GBF1: variants seen among roughly 807,000 people sequenced by gnomAD.
GBF1 encodes Golgi-specific brefeldin A-resistance guanine nucleotide exchange factor 1.
A neutral mutation model predicts 210.5 loss-of-function variants in GBF1; 114 were observed. The ratio of observed to expected loss-of-function variants is 0.54; its 90% confidence interval spans 0.47 to 0.63. The LOEUF (loss-of-function observed/expected upper bound fraction) is 0.63. Ranked by LOEUF, GBF1 falls within the 30% of genes least tolerant of loss-of-function variation. The pLI, the probability that GBF1 is intolerant of heterozygous loss-of-function variation, is 0.00. For synonymous variants in GBF1, 850 were observed against 889.2 expected, an observed-to-expected ratio of 0.96 and a Z score of 0.78; for missense variants, 1,851 against 2,357.7, an observed-to-expected ratio of 0.79 and a Z score of 4.45.
chr10:102,244,404 T>C (rs575309563), upstream of GBF1, among the ~76,000 whole-genome samples: 2 of 152,328 alleles, frequency 1.3e-5, no homozygotes, highest in East Asian at 1.9e-4. Flanking sequence ...TTCAGTCTCC[T>C]AGGAGAAAAC....
rs77875610 is a variant in GBF1 at position 102,296,740 on chromosome 10, C to CAA, written c.163+36637_163+36638dup. On this transcript the variant is annotated intron_variant, in intron 3 of 39. Transcript: ENST00000369983. ...TAGGCGACAGAGTGAGACTCTGTCT[C>CAA]AAAAAAAAAAAAAAGAATTGTAGGC... 1.6e-4 allele frequency among the ~76,000 whole-genome samples: 16 copies of CAA among 102,994 alleles called. No homozygotes were observed. The East Asian group carries it at 3.3e-3, about 21-fold the overall frequency. The allele number at this position is 102,994 out of a possible 152,430, so 67.6% of individuals were successfully genotyped here. A position where few individuals can be genotyped will look rare whatever the true frequency, so the allele number is the denominator to read the frequency against.
intron 2 of GBF1, among the ~76,000 whole-genome samples, chr10:102,259,265 G>A (rs755425258): frequency 1.2e-4 from 18 of 152,134 alleles, no homozygotes; most frequent in Non-Finnish European, 2.5e-4. Flanking sequence ...TTTGTAAACA[G>A]CTTAAGCTAG....
upstream of GBF1, among the ~76,000 whole-genome samples, chr10:102,241,724 C>T (rs1419678929): frequency 6.6e-6 from 1 of 152,246 alleles, no homozygotes; most frequent in African/African-American, 2.4e-5. The surrounding 1 kb of genome is among the most constrained non-coding windows in gnomAD (Gnocchi z 6.7). Context: ...AAGCGCTCTT[C>T]AGCAACTCGG....
chr10:102,353,714 G>T, intron 8 of GBF1, 60 bp downstream of exon 8: 1 of 1,220,566 alleles, frequency 8.2e-7, no homozygotes, highest in Non-Finnish European at 1.2e-6. Context: ...CAACTTCAGT[G>T]CCTTGGGGTA....
rs1326947931 is a variant in GBF1 at position 102,367,220 on chromosome 10, G to C, written c.2559+10G>C. The C allele has an allele frequency of 6.2e-7, 1 of 1,613,460 alleles. No homozygotes were observed. Among genetic ancestry groups the C allele is most frequent in the African/African-American group, 1.3e-5 (1 of 74,872 alleles). ...ACCCATGACCCTGGAGGTAAGCTTG[G>C]GTCCCAGTCAAGGCAAAGAAGACCC... is the stretch of plus-strand genomic sequence containing the variant. On this transcript the variant is annotated intron_variant, in intron 20 of 39. Transcript: ENST00000369983.
chr10:102,344,168 C>A lies in GBF1; in HGVS notation c.281C>A (p.Ser94Tyr), dbSNP rs770968985. 1 of 1,613,952 alleles carries A rather than the reference C, an allele frequency of 6.2e-7. No homozygotes were observed. The highest frequency in any genetic ancestry group is 1.1e-5 in the South Asian group (1 of 91,090). ...CTCACCTCTGTCAACAAGTTCCTGT[C>A]CTATGCACTCATAGGTAAGAGCTCA... ...LALTSVNKFL[S>Y]YALIDPTHEG... The change falls in exon 4 of 40, where the codon TCC becomes TAC. Residue 94 changes from serine (S) to tyrosine (Y), a missense_variant. Around this residue, in one of 3 missense-constraint regions of GBF1, gnomAD observed 804 missense variants for 958.6 expected, o/e 0.84. Coordinates refer to ENST00000369983, the MANE Select transcript of GBF1 (RefSeq NM_001377137.1).
In GBF1 at chr10:102,365,378, T is replaced by A; in HGVS notation, c.2107-19T>A. 6.2e-7 allele frequency: 1 copy of A among 1,603,796 alleles called. No homozygotes were observed. Among genetic ancestry groups the A allele is most frequent in the Non-Finnish European group, 8.5e-7 (1 of 1,171,162 alleles). ...TTAGAGGCAAAGTAGCTTCTATACC[T>A]CTAGTTTTTCTCATGCAGCTGCTAA... On this transcript the variant is annotated intron_variant, in intron 17 of 39. Coordinates refer to ENST00000369983, the MANE Select transcript of GBF1 (RefSeq NM_001377137.1).
intron 3 of GBF1, among the ~76,000 whole-genome samples, chr10:102,269,349 TGGCATATGATTTGG>T (rs2074178914): frequency 6.6e-6 from 1 of 152,192 alleles, no homozygotes; most frequent in Non-Finnish European, 1.5e-5. Flanking sequence ...GGCAATAAAT[TGGCATATGATTTGG>T]TGGAAAGGCA....
At chr10:102,273,800 G>A (rs571024019) in intron 3 of GBF1, among the ~76,000 whole-genome samples, 9 of 152,280 alleles carry the variant, frequency 5.9e-5, no homozygotes, top group Admixed American at 3.3e-4. Context: ...TATTTGAGTC[G>A]TTATAATCCT....
intron 18 of GBF1, 54 bp downstream of exon 18, chr10:102,365,653 G>C: frequency 6.8e-7 from 1 of 1,473,110 alleles, no homozygotes. Flanking sequence ...GCTCATGCCT[G>C]TAATCCTGAC....
chr10:102,376,975 T>C lies in GBF1; in HGVS notation c.4329T>C (p.Tyr1443=), dbSNP rs887735958. Residue 1443 remains tyrosine, a synonymous_variant, in exon 33 of 40, where the codon TAT becomes TAC. Transcript: ENST00000369983. The stretch of plus-strand genomic sequence containing the variant: ...AGAAACGTGGCAAGAGTCACAAATA[T>C]GACAGCAAAGGGAACCGCTTCAAGA... ...SQEKRGKSHK[Y]DSKGNRFKKK... 1.9e-6 allele frequency: 3 copies of C among 1,614,110 alleles called. No individual in the cohort carries two copies. The highest frequency in any genetic ancestry group is 8.5e-7 in the Non-Finnish European group (1 of 1,180,012).
At chr10:102,359,245 A>G (rs924111723) in intron 10 of GBF1, 22 bp from the exon 11 acceptor site, 2 of 1,580,582 alleles carry the variant, frequency 1.3e-6, no homozygotes, top group African/African-American at 2.7e-5. Flanking sequence ...CTCTTCCCAT[A>G]TCTCCCTGCT....
At chr10:102,357,348 G>T (rs910554337) in intron 8 of GBF1, among the ~76,000 whole-genome samples, 1 of 151,946 alleles carries the variant, frequency 6.6e-6, no homozygotes, top group South Asian at 2.1e-4. Context: ...TTATCCAGGC[G>T]TGGTGGTCCA....
chr10:102,230,746 G>A, the GBF1 span: 198 of 1,489,892 alleles, frequency 1.3e-4, no homozygotes, highest in Non-Finnish European at 1.6e-4. Flanking sequence ...GGCGGCCGGA[G>A]CCAGCCCGGG....
intron 3 of GBF1, among the ~76,000 whole-genome samples, chr10:102,337,965 T>G (rs2057884486): frequency 6.6e-6 from 1 of 152,192 alleles, no homozygotes. Flanking sequence ...AGAGCTTCTC[T>G]TATGCTCCTG....
intron 6 of GBF1, 116 bp from the exon 7 acceptor site, chr10:102,352,342 A>G (rs1326290074): frequency 1.0e-5 from 8 of 764,472 alleles, no homozygotes; most frequent in East Asian, 2.5e-5. Context: ...GCTGGTTTTA[A>G]TAAGTTTGGC....
chr10:102,249,392 G>C (rs1201334552), intron 1 of GBF1, among the ~76,000 whole-genome samples: 1 of 152,248 alleles, frequency 6.6e-6, no homozygotes, highest in African/African-American at 2.4e-5. Flanking sequence ...CCTTGTAAAC[G>C]GTTTTTGAGA....
chr10:102,340,916 A>G (rs796719038), intron 3 of GBF1, among the ~76,000 whole-genome samples: 16 of 152,232 alleles, frequency 1.1e-4, no homozygotes, highest in South Asian at 6.2e-4. Context: ...GGCAGAGTCA[A>G]TTTAGACATT....
At chr10:102,235,689 G>A in the GBF1 span, among the ~76,000 whole-genome samples, 5 of 152,290 alleles carry the variant, frequency 3.3e-5, no homozygotes, top group East Asian at 9.6e-4. Flanking sequence ...ATTGAGTTAG[G>A]CACTGAGGGT....
Sources: gnomAD v4.1 joint callset for allele counts (sites outside exome capture counted in the v4.1 genomes callset) on GRCh38, gnomAD v4.1.1 for gene constraint, gnomAD v4.1.1 regional missense constraint, Gnocchi (gnomAD v3.1) non-coding constraint, MANE v1.5 for transcripts, NCBI Gene and HGNC (gene_info 2026-07-23, HGNC 2026-07-21) for gene names.